CSTPP1: variants seen among roughly 807,000 people sequenced by gnomAD.
The protein encoded by CSTPP1 is UPF0705 protein C11orf49.
the CSTPP1 span, among the ~76,000 whole-genome samples, chr11:47,035,728 G>A: frequency 6.6e-6 from 1 of 151,880 alleles, no homozygotes; most frequent in Admixed American, 6.6e-5. Context: ...ATGATAAAAT[G>A]GACTAGTGTC....
chr11:46,971,869 G>A, the CSTPP1 span, among the ~76,000 whole-genome samples: 1 of 152,238 alleles, frequency 6.6e-6, no homozygotes, highest in Non-Finnish European at 1.5e-5. Context: ...AATAGTGAGA[G>A]CCTGGGAGGT....
the CSTPP1 span, among the ~76,000 whole-genome samples, chr11:46,947,050 C>T: frequency 6.6e-6 from 1 of 152,218 alleles, no homozygotes; most frequent in East Asian, 1.9e-4. Flanking sequence ...TGCTCTGGAT[C>T]TTTTCGGTTT....
At chr11:46,997,240 G>T in the CSTPP1 span, among the ~76,000 whole-genome samples, 1,165 of 152,238 alleles carry the variant, frequency 7.7e-3, 15 homozygotes, top group African/African-American at 0.027. Flanking sequence ...ATTTCTTGGA[G>T]GCTTTGTTCG....
At chr11:46,975,102 C>G in the CSTPP1 span, among the ~76,000 whole-genome samples, 1 of 151,662 alleles carries the variant, frequency 6.6e-6, no homozygotes, top group Non-Finnish European at 1.5e-5. Flanking sequence ...ATAGTGAGAC[C>G]CTGTCTCTAC....
At chr11:47,122,085 AAAAAAAATATATAT>A in the CSTPP1 span, among the ~76,000 whole-genome samples, 1 of 82,304 alleles carries the variant, frequency 1.2e-5, no homozygotes, top group East Asian at 2.6e-4. Flanking sequence ...AAAAAAAAAA[AAAAAAAATATATAT>A]ATATATATAT....
the CSTPP1 span, among the ~76,000 whole-genome samples, chr11:46,964,942 G>T: frequency 2.0e-5 from 3 of 152,084 alleles, no homozygotes; most frequent in Non-Finnish European, 2.9e-5. Context: ...CCATGTGTGG[G>T]AAAACAGGAA....
chr11:47,141,971 G>A, the CSTPP1 span, among the ~76,000 whole-genome samples: 3 of 146,868 alleles, frequency 2.0e-5, no homozygotes, highest in Admixed American at 6.9e-5. Context: ...ACGACCAGGT[G>A]CAGTGGCTTA....
chr11:47,126,842 G>A, the CSTPP1 span, among the ~76,000 whole-genome samples: 1 of 147,028 alleles, frequency 6.8e-6, no homozygotes, highest in African/African-American at 2.5e-5. Flanking sequence ...TGAGGTGGGG[G>A]GGATTGCTTG....
At chr11:47,027,013 T>A in the CSTPP1 span, among the ~76,000 whole-genome samples, 3 of 152,232 alleles carry the variant, frequency 2.0e-5, no homozygotes, top group Non-Finnish European at 4.4e-5. Flanking sequence ...AACATATGAA[T>A]CATGTTTTTA....
At chr11:47,052,493 C>T in the CSTPP1 span, 1 of 1,613,982 alleles carries the variant, frequency 6.2e-7, no homozygotes, top group African/African-American at 1.3e-5. Context: ...TCTGGAGATG[C>T]TTCCGAACTG....
the CSTPP1 span, chr11:47,108,999 C>T: frequency 1.3e-5 from 2 of 152,140 alleles, no homozygotes; most frequent in Admixed American, 1.3e-4. Flanking sequence ...GAGCCACCGC[C>T]CCTAGCCTAT....
At chr11:47,029,680 T>C in the CSTPP1 span, among the ~76,000 whole-genome samples, 14 of 151,784 alleles carry the variant, frequency 9.2e-5, no homozygotes, top group Admixed American at 8.5e-4. Context: ...TGGTCTTATA[T>C]ATTCTGTGGA....
the CSTPP1 span, among the ~76,000 whole-genome samples, chr11:46,995,550 G>C: frequency 2.0e-5 from 3 of 152,176 alleles, no homozygotes; most frequent in African/African-American, 7.2e-5. Flanking sequence ...TAGTCATTCA[G>C]GAGCAAGTTG....
the CSTPP1 span, among the ~76,000 whole-genome samples, chr11:46,998,695 T>G: frequency 2.0e-5 from 3 of 152,136 alleles, no homozygotes. Context: ...TTGATTTAGT[T>G]AGTGAAAATC....
chr11:46,948,264 G>A, the CSTPP1 span: 1 of 418,034 alleles, frequency 2.4e-6, no homozygotes, highest in Non-Finnish European at 4.8e-6. Context: ...TTCCAACTTT[G>A]CCTCTTCTGT....
chr11:46,995,024 AATTTATCC>A, the CSTPP1 span, among the ~76,000 whole-genome samples: 1 of 152,168 alleles, frequency 6.6e-6, no homozygotes, highest in Non-Finnish European at 1.5e-5. Context: ...TGTGTCCAGG[AATTTATCC>A]ATTTCTTCTA....
At chr11:46,993,054 C>T in the CSTPP1 span, among the ~76,000 whole-genome samples, 5 of 152,160 alleles carry the variant, frequency 3.3e-5, no homozygotes, top group African/African-American at 4.8e-5. Context: ...AGTATCTGTT[C>T]GTATCCTTTG....
chr11:47,053,619 CAAA>C, the CSTPP1 span, among the ~76,000 whole-genome samples: 7 of 96,536 alleles, frequency 7.3e-5, no homozygotes, highest in Admixed American at 2.3e-4. Context: ...GACTCTGCCT[CAAA>C]AAAAAAAAAA....
the CSTPP1 span, among the ~76,000 whole-genome samples, chr11:47,028,389 T>G: frequency 6.6e-6 from 1 of 152,206 alleles, no homozygotes; most frequent in African/African-American, 2.4e-5. Flanking sequence ...GTTCACTTAC[T>G]TTTTCCTGTA....
Sources: gnomAD v4.1 joint callset for allele counts (sites outside exome capture counted in the v4.1 genomes callset) on GRCh38, gnomAD v4.1.1 for gene constraint, MANE v1.5 for transcripts, NCBI Gene and HGNC (gene_info 2026-07-23, HGNC 2026-07-21) for gene names.